Variants in CFAP97 observed in about 807,000 individuals in gnomAD.
The protein encoded by CFAP97 is cilia and flagella associated protein 97, also known as cilia- and flagella-associated protein 97.
CFAP97 carries 36 observed loss-of-function variants against 43.1 expected under a neutral mutation model. The ratio of observed to expected loss-of-function variants is 0.84; its 90% confidence interval spans 0.64 to 1.10. The LOEUF (loss-of-function observed/expected upper bound fraction) is 1.10, where lower values mean the gene tolerates loss of function less well. Among genes scored for constraint, CFAP97 ranks in the 50% least tolerant of loss-of-function variants. CFAP97 has a pLI of 0.00. For synonymous variants in CFAP97, 228 were observed against 225.7 expected (o/e 1.01, Z -0.09); for missense variants, 657 against 620.3 (o/e 1.06, Z -0.63).
chr4:185,185,833 T>A (rs533832243), intron 2 of CFAP97, among the ~76,000 whole-genome samples: 98 of 151,732 alleles, frequency 6.5e-4, no homozygotes, highest in African/African-American at 2.1e-3. Context: ...AGAGACAGGG[T>A]TTCACCATGT....
intron 1 of CFAP97, among the ~76,000 whole-genome samples, chr4:185,201,610 C>T (rs536412614): frequency 8.5e-5 from 13 of 152,276 alleles, no homozygotes; most frequent in African/African-American, 2.4e-4. Context: ...TTTTAGATAA[C>T]GTATGTACAT....
chr4:185,170,905 A>C (rs1247347350), intron 3 of CFAP97, among the ~76,000 whole-genome samples: 1 of 143,126 alleles, frequency 7.0e-6, no homozygotes, highest in Non-Finnish European at 1.5e-5. Flanking sequence ...GAATAGCTTG[A>C]ACTCAGGAGG....
chr4:185,164,820 G>A (rs1188666977), intron 3 of CFAP97, among the ~76,000 whole-genome samples: 1 of 152,234 alleles, frequency 6.6e-6, no homozygotes, highest in East Asian at 1.9e-4. Flanking sequence ...TAGACATGAT[G>A]TAATAGGAGT....
intron 2 of CFAP97, among the ~76,000 whole-genome samples, chr4:185,179,540 A>T (rs949185442): frequency 1.3e-5 from 2 of 152,148 alleles, no homozygotes; most frequent in African/African-American, 4.8e-5. Flanking sequence ...CCACCATGTA[A>T]GAAGTCCAAC....
upstream of CFAP97, chr4:185,209,551 C>T (rs1174080719): frequency 5.1e-6 from 1 of 197,270 alleles, no homozygotes; most frequent in Non-Finnish European, 9.1e-6. This position sits in a 1 kb window ranked among gnomAD's most constrained non-coding sequence, Gnocchi z 5.2. Context: ...GCCCGACACG[C>T]ACTTCAGGGC....
At chr4:185,167,492 A>C (rs1366184421) in intron 3 of CFAP97, among the ~76,000 whole-genome samples, 1 of 152,056 alleles carries the variant, frequency 6.6e-6, no homozygotes, top group African/African-American at 2.4e-5. Context: ...AAAAATTTCA[A>C]AATGCTGTAA....
At position 185,192,758 on chromosome 4, in the gene CFAP97, T is replaced by TTTTTC. The variant is rs376440116; in HGVS notation, c.-16-1547_-16-1546insGAAAA. 1.9e-4 allele frequency among the ~76,000 whole-genome samples: 24 copies of TTTTTC among 128,244 alleles called. 1 individual carries two copies. Among genetic ancestry groups the TTTTTC allele is most frequent in the African/African-American group, 5.9e-4 (20 of 34,080 alleles). The allele number at this position is 128,244 out of a possible 152,430, so 84.1% of individuals were successfully genotyped here. A position where few individuals can be genotyped will look rare whatever the true frequency, so the allele number is the denominator to read the frequency against. ...CTTTTTTTTTTTTTTTTTTTTTTTT[T>TTTTTC]GAGACGGAGTCTCGCTCTGTCACCC... is the stretch of plus-strand genomic sequence containing the variant. On this transcript the variant is annotated intron_variant, in intron 1 of 4. Transcript: ENST00000458385.
At chr4:185,178,145 G>A (rs1421861865) in intron 2 of CFAP97, among the ~76,000 whole-genome samples, 1 of 150,992 alleles carries the variant, frequency 6.6e-6, no homozygotes, top group Non-Finnish European at 1.5e-5. Context: ...CAAGAAATAC[G>A]CATTTTGTAG....
At chr4:185,185,307 A>C (rs1272040651) in intron 2 of CFAP97, among the ~76,000 whole-genome samples, 6 of 152,184 alleles carry the variant, frequency 3.9e-5, no homozygotes, top group Non-Finnish European at 1.5e-5. Flanking sequence ...ACAAGAAAAA[A>C]GGCAAATATA....
At chr4:185,183,099 C>CAA (rs538286388) in intron 2 of CFAP97, among the ~76,000 whole-genome samples, 4 of 127,300 alleles carry the variant, frequency 3.1e-5, no homozygotes, top group African/African-American at 1.2e-4. Context: ...GACTCCGTCT[C>CAA]AAAAAAAAAA....
intron 1 of CFAP97, among the ~76,000 whole-genome samples, chr4:185,191,781 G>A (rs1736268750): frequency 6.6e-6 from 1 of 151,544 alleles, no homozygotes; most frequent in African/African-American, 2.4e-5. Flanking sequence ...AGTGAGCCGA[G>A]ATCACACCAC....
At chr4:185,170,983 CAAAAAAAAAAAAAA>C (rs70962553) in intron 3 of CFAP97, among the ~76,000 whole-genome samples, 4 of 72,966 alleles carry the variant, frequency 5.5e-5, no homozygotes, top group South Asian at 6.2e-4. Flanking sequence ...GACTTTGTCT[CAAAAAAAAAAAAAA>C]AAAAAAAAAA....
chr4:185,179,090 GCTC>G (rs1433879668), intron 2 of CFAP97, among the ~76,000 whole-genome samples: 1 of 152,098 alleles, frequency 6.6e-6, no homozygotes, highest in Non-Finnish European at 1.5e-5. Flanking sequence ...AAGTAAAACT[GCTC>G]CTCATCCCTA....
rs1734921445 is a variant in CFAP97 at position 185,162,897 on chromosome 4, A to G, written c.1500T>C (p.Ser500=). 6.3e-7 allele frequency: 1 copy of G among 1,588,794 alleles called. No homozygotes were observed. Among genetic ancestry groups the G allele is most frequent in the Non-Finnish European group, 8.5e-7 (1 of 1,171,384 alleles). The change falls in exon 5 of 5, where the codon AGT becomes AGC. Residue 500 remains serine (S), a synonymous_variant. Coordinates refer to ENST00000458385, the MANE Select transcript of CFAP97 (RefSeq NM_020827.3). ...ATCGCTCACTCCTACAACTGAGACCACTCGTAGCACTGGATGTCCTGGAAG... is the reference window on the plus strand; with the variant it reads ...ATCGCTCACTCCTACAACTGAGACCGCTCGTAGCACTGGATGTCCTGGAAG... ...LRASRTSSAT[S]GLSCRSERSA...
chr4:185,183,250 A>G lies in CFAP97; in HGVS notation c.1054+6893T>C, dbSNP rs536317401. Among the ~76,000 whole-genome samples the G allele has an allele frequency of 3.3e-5, 5 of 152,356 alleles. No individual in the cohort carries two copies. In the East Asian group the frequency reaches 9.6e-4, roughly 29 times the overall value. On this transcript the variant is annotated intron_variant, in intron 2 of 4. Transcript: ENST00000458385. ...ACTACCTTAAGCAGTAAACTGGTTT[A>G]CCGAACCTCTGTACTGAAGTCCGTG...
At position 185,162,684 on chromosome 4, in the gene CFAP97, G is replaced by T; in HGVS notation, c.*114C>A. The T allele has an allele frequency of 8.8e-7, 1 of 1,133,290 alleles. No homozygotes were observed. 70.2% of individuals were successfully genotyped at this position (1,133,290 alleles called of 1,614,324 possible). ...TAACAATACATTACAACTCACTGTT[G>T]TACACCTTCAATTGCTAAAACGGTA... On this transcript the variant is annotated 3_prime_UTR_variant, in exon 5 of 5. Coordinates refer to ENST00000458385, the MANE Select transcript of CFAP97 (RefSeq NM_020827.3).
At chr4:185,205,673 A>G (rs567353449), upstream of CFAP97, among the ~76,000 whole-genome samples, 2 of 152,304 alleles carry the variant, frequency 1.3e-5, no homozygotes, top group Admixed American at 1.3e-4. Flanking sequence ...TACTAAAAAT[A>G]CAAAAATTAG....
chr4:185,192,787 C>A (rs1037304716), intron 1 of CFAP97, among the ~76,000 whole-genome samples: 3 of 129,602 alleles, frequency 2.3e-5, no homozygotes, highest in African/African-American at 3.1e-5. Flanking sequence ...GTCACCCAGG[C>A]TGGAGTGCAG....
intron 2 of CFAP97, among the ~76,000 whole-genome samples, chr4:185,182,907 C>A (rs1182204794): frequency 6.6e-6 from 1 of 151,638 alleles, no homozygotes; most frequent in Non-Finnish European, 1.5e-5. Flanking sequence ...CACGACCAGC[C>A]TGGCCAACAT....
Sources: gnomAD v4.1 joint callset for allele counts (sites outside exome capture counted in the v4.1 genomes callset) on GRCh38, gnomAD v4.1.1 for gene constraint, Gnocchi (gnomAD v3.1) non-coding constraint, MANE v1.5 for transcripts, NCBI Gene and HGNC (gene_info 2026-07-23, HGNC 2026-07-21) for gene names.